The following SGCZ variants were observed in gnomAD, a reference collection of about 807,000 sequenced individuals.
SGCZ encodes the protein zeta-sarcoglycan.
In SGCZ, 40 loss-of-function variants were observed where a neutral mutation model predicts 41.3. The ratio of observed to expected loss-of-function variants is 0.97; its 90% CI spans 0.75 to 1.26. SGCZ has a LOEUF of 1.26. Ranked by LOEUF, SGCZ falls within the 50% of genes most tolerant of loss-of-function variation. The pLI is 0.00. For missense variants in SGCZ, 552 were observed against 369.8 expected (o/e 1.49, Z -4.04); for synonymous variants, 206 against 137.5 (o/e 1.50, Z -3.49).
chr8:14,414,187 C>A (rs1054792806), intron 2 of SGCZ, among the ~76,000 whole-genome samples: 13 of 151,922 alleles, frequency 8.6e-5, no homozygotes, highest in African/African-American at 3.1e-4. Flanking sequence ...AACGCACACA[C>A]TCGCGCACAC....
chr8:14,882,458 C>G (rs1183645254), intron 1 of SGCZ, among the ~76,000 whole-genome samples: 1 of 152,096 alleles, frequency 6.6e-6, no homozygotes, highest in Admixed American at 6.6e-5. Flanking sequence ...TTCCTTCTAT[C>G]TATGTGTTAG....
At chr8:14,451,210 A>T (rs1800583431) in intron 2 of SGCZ, among the ~76,000 whole-genome samples, 1 of 152,160 alleles carries the variant, frequency 6.6e-6, no homozygotes, top group African/African-American at 2.4e-5. Flanking sequence ...GAGTGATGAA[A>T]ACAAAAATAG....
intron 5 of SGCZ, among the ~76,000 whole-genome samples, chr8:14,113,642 A>G (rs1234757778): frequency 2.6e-5 from 4 of 152,210 alleles, no homozygotes; most frequent in Admixed American, 2.6e-4. Flanking sequence ...TTCTTGTTCA[A>G]CATCCTTATT....
At chr8:14,701,576 A>G (rs1367482744) in intron 1 of SGCZ, among the ~76,000 whole-genome samples, 1 of 151,956 alleles carries the variant, frequency 6.6e-6, no homozygotes, top group Admixed American at 6.6e-5. Context: ...CTGCCTGGTA[A>G]CTCTACAGCA....
intron 3 of SGCZ, among the ~76,000 whole-genome samples, chr8:14,242,165 G>C (rs540534832): frequency 1.3e-5 from 2 of 152,288 alleles, no homozygotes; most frequent in African/African-American, 4.8e-5. Flanking sequence ...AAAAGCATTA[G>C]TAATATTGTT....
At chr8:14,973,705 C>T (rs947004305) in intron 1 of SGCZ, among the ~76,000 whole-genome samples, 6 of 152,134 alleles carry the variant, frequency 3.9e-5, no homozygotes, top group Non-Finnish European at 7.3e-5. Flanking sequence ...TAACTTCTTA[C>T]GACCTTAGAA....
At chr8:14,486,356 C>G (rs1015421162) in intron 2 of SGCZ, among the ~76,000 whole-genome samples, 1 of 152,112 alleles carries the variant, frequency 6.6e-6, no homozygotes, top group Non-Finnish European at 1.5e-5. Context: ...TGGAGCAGAG[C>G]CTCCCACTGG....
intron 1 of SGCZ, among the ~76,000 whole-genome samples, chr8:15,068,782 T>G (rs958472293): frequency 6.6e-6 from 1 of 152,184 alleles, no homozygotes; most frequent in Non-Finnish European, 1.5e-5. Flanking sequence ...ATAAATTCTC[T>G]CATTTAAAAA....
chr8:14,800,159 T>A (rs200230920), intron 1 of SGCZ, among the ~76,000 whole-genome samples: 3 of 32,956 alleles, frequency 9.1e-5, no homozygotes, highest in African/African-American at 1.0e-4. Flanking sequence ...TTTTGCCTCC[T>A]TTTTTTCATG....
chr8:14,792,546 G>C (rs1800989622), intron 1 of SGCZ, among the ~76,000 whole-genome samples: 1 of 151,868 alleles, frequency 6.6e-6, no homozygotes, highest in South Asian at 2.1e-4. Context: ...TGGCATTTTA[G>C]CATCTTTCTT....
chr8:14,512,139 A>G (rs1802484565), intron 2 of SGCZ, among the ~76,000 whole-genome samples: 1 of 152,048 alleles, frequency 6.6e-6, no homozygotes, highest in South Asian at 2.1e-4. Flanking sequence ...AGTATTTTCT[A>G]CTCTGTTAGG....
intron 3 of SGCZ, among the ~76,000 whole-genome samples, chr8:14,267,774 A>C (rs1183226102): frequency 6.6e-6 from 1 of 152,036 alleles, no homozygotes; most frequent in Non-Finnish European, 1.5e-5. Flanking sequence ...AAATGCTTTC[A>C]TTTTAATTGC....
chr8:14,770,244 C>A (rs1800190473), intron 1 of SGCZ, among the ~76,000 whole-genome samples: 1 of 151,532 alleles, frequency 6.6e-6, no homozygotes, highest in African/African-American at 2.4e-5. Context: ...TTGACGAGTT[C>A]TAGCAGACTA....
At chr8:14,664,179 C>A (rs1455151635) in intron 1 of SGCZ, among the ~76,000 whole-genome samples, 3 of 152,254 alleles carry the variant, frequency 2.0e-5, no homozygotes, top group Non-Finnish European at 4.4e-5. Context: ...AGACACTCAT[C>A]TTTTAAATAG....
chr8:14,108,176 A>G lies in SGCZ; in HGVS notation c.607T>C (p.Ser203Pro), dbSNP rs1395127804. 2 of 1,613,948 alleles carry G rather than the reference A, an allele frequency of 1.2e-6. No individual in the cohort carries two copies. Among genetic ancestry groups the G allele is most frequent in the East Asian group, 2.2e-5 (1 of 44,882 alleles). Residue 203 changes from serine to proline, a missense_variant, in exon 6 of 8, where the codon TCC (serine) becomes CCC (proline). Ser to Pro is a moderately conservative substitution (Grantham distance 74, BLOSUM62 -1). Transcript: ENST00000382080. Reference protein sequence around the residue: ...VETPHIRAEPSQDLRLESPTR... With the variant: ...VETPHIRAEPPQDLRLESPTR... ...GGAAGCCCTTACCTGAGATCTTGGG[A>G]TGGCTCTGCTCTGATGTGCGGCGTC...
chr8:14,819,156 G>T (rs1801993984), intron 1 of SGCZ, among the ~76,000 whole-genome samples: 1 of 150,522 alleles, frequency 6.6e-6, no homozygotes, highest in Admixed American at 6.6e-5. Context: ...AAAAGTAAAA[G>T]TAGAATTCTA....
At position 14,237,695 on chromosome 8, in the gene SGCZ, A is replaced by G. The variant is rs1554484753; in HGVS notation, c.337-16T>C. Reference sequence around the variant, plus strand: ...GCGGACTATCCTGGGAAACATGTATAAAATAAATAAATAGAAAATAGAAAT... The same window carrying G: ...GCGGACTATCCTGGGAAACATGTATGAAATAAATAAATAGAAAATAGAAAT... On this transcript the variant is annotated splice_polypyrimidine_tract_variant and intron_variant, in intron 3 of 7. Transcript: ENST00000382080. The G allele has an allele frequency of 9.4e-6, 15 of 1,589,920 alleles. No individual in the cohort carries two copies. In the South Asian group the frequency reaches 1.4e-4, roughly 15 times the overall value.
At chr8:14,790,603 A>G (rs927187993) in intron 1 of SGCZ, among the ~76,000 whole-genome samples, 2 of 152,208 alleles carry the variant, frequency 1.3e-5, no homozygotes, top group African/African-American at 4.8e-5. Flanking sequence ...AATTAAAGGT[A>G]AGAAACAAAC....
At chr8:14,238,410 G>C (rs1806845585) in intron 3 of SGCZ, among the ~76,000 whole-genome samples, 1 of 152,090 alleles carries the variant, frequency 6.6e-6, no homozygotes, top group African/African-American at 2.4e-5. Context: ...TCAATCTCAT[G>C]GAAATGCTCT....
Sources: gnomAD v4.1 joint callset for allele counts (sites outside exome capture counted in the v4.1 genomes callset) on GRCh38, gnomAD v4.1.1 for gene constraint, MANE v1.5 for transcripts, NCBI Gene and HGNC (gene_info 2026-07-23, HGNC 2026-07-21) for gene names.